Variants in ARHGAP15 observed in about 807,000 individuals in gnomAD.
ARHGAP15 encodes rho GTPase-activating protein 15.
In ARHGAP15, 51 loss-of-function variants were observed where a neutral mutation model predicts 63.7. The ratio of observed to expected loss-of-function variants is 0.80; its 90% confidence interval spans 0.64 to 1.01. The LOEUF (loss-of-function observed/expected upper bound fraction) is 1.01, where lower values mean the gene tolerates loss of function less well. ARHGAP15 is among the 50% of genes least tolerant of loss of function. ARHGAP15 has a pLI of 0.00. For missense variants in ARHGAP15, 560 were observed against 564.6 expected, an observed-to-expected ratio of 0.99 and a Z score of 0.08; for synonymous variants, 191 against 193.8, an observed-to-expected ratio of 0.99 and a Z score of 0.12.
chr2:143,626,488 G>A (rs967980328), intron 12 of ARHGAP15, among the ~76,000 whole-genome samples: 1 of 152,120 alleles, frequency 6.6e-6, no homozygotes, highest in Non-Finnish European at 1.5e-5. Flanking sequence ...CAGACCCAAA[G>A]AGTGAGTGGT....
At chr2:143,756,454 A>G (rs1327271872) in intron 13 of ARHGAP15, among the ~76,000 whole-genome samples, 1 of 152,088 alleles carries the variant, frequency 6.6e-6, no homozygotes, top group Non-Finnish European at 1.5e-5. Flanking sequence ...TGCTTAAAGT[A>G]CTCCCAACAT....
chr2:143,657,039 T>A (rs1233833286), intron 12 of ARHGAP15, among the ~76,000 whole-genome samples: 1 of 151,816 alleles, frequency 6.6e-6, no homozygotes, highest in Non-Finnish European at 1.5e-5. Flanking sequence ...TTATTGTTGA[T>A]CAAATACTTT....
chr2:143,222,736 T>A (rs1693047863), intron 4 of ARHGAP15, among the ~76,000 whole-genome samples: 1 of 152,120 alleles, frequency 6.6e-6, no homozygotes, highest in Admixed American at 6.6e-5. Context: ...TTTTTGTACT[T>A]CTATTTGTCT....
chr2:143,657,779 C>T (rs761569400), intron 12 of ARHGAP15, among the ~76,000 whole-genome samples: 3 of 152,204 alleles, frequency 2.0e-5, no homozygotes, highest in Non-Finnish European at 4.4e-5. Context: ...CTTCATGTCA[C>T]AGTCTCTCCC....
At chr2:143,425,346 T>G (rs964005917) in intron 6 of ARHGAP15, among the ~76,000 whole-genome samples, 2 of 147,978 alleles carry the variant, frequency 1.4e-5, no homozygotes, top group Admixed American at 1.3e-4. Flanking sequence ...TCTCTTTATA[T>G]ATAGAGAGAA....
intron 6 of ARHGAP15, among the ~76,000 whole-genome samples, chr2:143,380,676 T>C (rs1455307866): frequency 1.3e-5 from 2 of 152,174 alleles, no homozygotes; most frequent in Non-Finnish European, 2.9e-5. Flanking sequence ...TGCGCTTCCT[T>C]GTATATACAT....
rs1180112514 is a variant in ARHGAP15, at chr2:143,347,816, T to A, written c.475-87785T>A. On this transcript the variant is annotated intron_variant, in intron 6 of 13. Coordinates refer to ENST00000295095, the MANE Select transcript of ARHGAP15 (RefSeq NM_018460.4). Reference sequence around the variant, plus strand: ...CACCAAGTCCTTTTGACTTCGTGATTTTTTTTTTTTTTTTTGGCACCATTT... The same window carrying A: ...CACCAAGTCCTTTTGACTTCGTGATATTTTTTTTTTTTTTTGGCACCATTT... Among the ~76,000 whole-genome samples the A allele has an allele frequency of 5.9e-4, 3 of 5,106 alleles. No homozygotes were observed. In the East Asian group the frequency reaches 0.079, roughly 134 times the overall value. 3.3% of individuals were successfully genotyped at this position (5,106 alleles called of 152,430 possible).
chr2:143,263,907 C>CG (rs1680863874), intron 6 of ARHGAP15, among the ~76,000 whole-genome samples: 1 of 38,420 alleles, frequency 2.6e-5, no homozygotes, highest in Admixed American at 4.4e-4. Flanking sequence ...AAGCTGCAGT[C>CG]TTTTTTTTTT....
intron 8 of ARHGAP15, among the ~76,000 whole-genome samples, chr2:143,458,506 G>C (rs978951992): frequency 6.6e-6 from 1 of 152,138 alleles, no homozygotes; most frequent in Non-Finnish European, 1.5e-5. Context: ...TTAAAGGGAA[G>C]GAGATTCCTG....
intron 9 of ARHGAP15, among the ~76,000 whole-genome samples, chr2:143,500,256 C>T (rs10166361): frequency 0.36 from 52,485 of 145,492 alleles, 9,944 homozygotes; most frequent in Middle Eastern, 0.43. Context: ...TTTATATATA[C>T]TTTTTTAATA....
At chr2:143,303,542 G>A (rs1333052142) in intron 6 of ARHGAP15, among the ~76,000 whole-genome samples, 2 of 152,018 alleles carry the variant, frequency 1.3e-5, no homozygotes, top group African/African-American at 4.8e-5. Context: ...AATACATTCA[G>A]GACATAGGCA....
chr2:143,434,214 A>C (rs573441298), intron 6 of ARHGAP15, among the ~76,000 whole-genome samples: 2 of 152,026 alleles, frequency 1.3e-5, no homozygotes, highest in African/African-American at 4.8e-5. Flanking sequence ...TTATTTTTAA[A>C]TCTTTCACTT....
At chr2:143,649,312 G>A (rs567884280) in intron 12 of ARHGAP15, among the ~76,000 whole-genome samples, 3 of 152,054 alleles carry the variant, frequency 2.0e-5, no homozygotes, top group South Asian at 4.1e-4. Flanking sequence ...CTTTGGACAA[G>A]GAAAGAAAAC....
At chr2:143,318,145 C>T (rs1295803307) in intron 6 of ARHGAP15, among the ~76,000 whole-genome samples, 2 of 151,772 alleles carry the variant, frequency 1.3e-5, no homozygotes, top group Non-Finnish European at 2.9e-5. Flanking sequence ...ACTACAGGCA[C>T]GTGGCACCAC....
chr2:143,725,620 C>T (rs551428988), intron 13 of ARHGAP15, among the ~76,000 whole-genome samples: 1 of 152,308 alleles, frequency 6.6e-6, no homozygotes, highest in Non-Finnish European at 1.5e-5. Context: ...TGAATAATGC[C>T]TTAGACATAG....
intron 5 of ARHGAP15, among the ~76,000 whole-genome samples, chr2:143,242,877 C>A (rs1419739830): frequency 6.6e-6 from 1 of 152,090 alleles, no homozygotes; most frequent in East Asian, 1.9e-4. Context: ...GAATCAAAAC[C>A]AGTTATGTGA....
intron 6 of ARHGAP15, among the ~76,000 whole-genome samples, chr2:143,253,430 C>A (rs1680261222): frequency 6.6e-6 from 1 of 151,974 alleles, no homozygotes; most frequent in African/African-American, 2.4e-5. Flanking sequence ...TCTCTTTGTA[C>A]TGAAATCCAA....
rs866361246 is a variant in ARHGAP15, at chr2:143,437,003, G to A, written c.664G>A (p.Asp222Asn). Residue 222 changes from aspartate to asparagine, a missense_variant, in exon 8 of 14, where the codon GAT (aspartate) becomes AAT (asparagine). Physicochemically the swap from Asp to Asn is conservative, Grantham distance 23 (BLOSUM62 1). Transcript: ENST00000295095. ...TGAATTGCTAAGTCACTACGACAGT[G>A]ATATAAAAGAACAGAAACCAGAGCA... ...STELLSHYDS[D>N]IKEQKPEHRK... 1 of 1,605,976 alleles carries A rather than the reference G, an allele frequency of 6.2e-7. No homozygotes were observed. Among genetic ancestry groups the A allele is most frequent in the South Asian group, 1.1e-5 (1 of 88,548 alleles).
intron 12 of ARHGAP15, among the ~76,000 whole-genome samples, chr2:143,672,245 T>A (rs1287954634): frequency 6.6e-6 from 1 of 152,084 alleles, no homozygotes; most frequent in African/African-American, 2.4e-5. Context: ...GATATAGTAT[T>A]AGGCAGACTT....
Sources: allele counts gnomAD v4.1 joint callset (sites outside exome capture counted in the v4.1 genomes callset), GRCh38; gene constraint gnomAD v4.1.1; transcripts MANE v1.5; gene names NCBI Gene and HGNC (gene_info 2026-07-23, HGNC 2026-07-21).